CLASP2: variants seen among roughly 807,000 people sequenced by gnomAD.
CLASP2 encodes the protein CLIP-associating protein 2.
Under a neutral mutation model 194.4 loss-of-function variants are expected in CLASP2, and 47 were observed. The ratio of observed to expected loss-of-function variants is 0.24; its 90% CI spans 0.19 to 0.31. CLASP2 has a LOEUF of 0.31. Among genes scored for constraint, CLASP2 ranks in the 10% least tolerant of loss-of-function variants. The pLI is 1.00. For synonymous variants in CLASP2, 619 were observed against 633.5 expected (o/e 0.98, Z 0.34); for missense variants, 1,445 against 1,823.6 (o/e 0.79, Z 3.78).
intron 9 of CLASP2, among the ~76,000 whole-genome samples, chr3:33,629,868 T>G (rs1384214167): frequency 6.6e-6 from 1 of 150,816 alleles, no homozygotes; most frequent in Non-Finnish European, 1.5e-5. Flanking sequence ...ACCATGGTTA[T>G]CAAAGCTTAG....
chr3:33,539,161 C>T (rs960084752), intron 32 of CLASP2, among the ~76,000 whole-genome samples: 1 of 152,064 alleles, frequency 6.6e-6, no homozygotes, highest in Admixed American at 6.6e-5. Context: ...AATGCACAGA[C>T]CTTAATAACT....
chr3:33,581,028 A>G (rs1244018862), intron 23 of CLASP2, among the ~76,000 whole-genome samples: 1 of 150,168 alleles, frequency 6.7e-6, no homozygotes, highest in Non-Finnish European at 1.5e-5. Context: ...AAAAAAAAAA[A>G]AAAGAAAGAA....
At chr3:33,515,491 A>T (rs2051045689) in intron 36 of CLASP2, among the ~76,000 whole-genome samples, 1 of 152,184 alleles carries the variant, frequency 6.6e-6, no homozygotes, top group Non-Finnish European at 1.5e-5. Context: ...TCTACAAAAA[A>T]TACCAAAAAT....
At chr3:33,522,876 C>T (rs1487248950) in intron 34 of CLASP2, among the ~76,000 whole-genome samples, 1 of 152,176 alleles carries the variant, frequency 6.6e-6, no homozygotes, top group East Asian at 1.9e-4. Flanking sequence ...CGAGACCATC[C>T]TGGCTAACAC....
At chr3:33,660,054 T>C (rs923892852) in intron 7 of CLASP2, among the ~76,000 whole-genome samples, 3 of 152,244 alleles carry the variant, frequency 2.0e-5, no homozygotes, top group African/African-American at 4.8e-5. Context: ...AATGATTGCA[T>C]GGCCAAGACT....
At chr3:33,621,558 T>C (rs1037315251) in intron 11 of CLASP2, among the ~76,000 whole-genome samples, 12 of 152,208 alleles carry the variant, frequency 7.9e-5, no homozygotes, top group Non-Finnish European at 1.2e-4. Context: ...GCCTTTTTTT[T>C]CTTCGTTTCT....
chr3:33,534,064 G>A (rs752264008), intron 34 of CLASP2, among the ~76,000 whole-genome samples: 1 of 151,890 alleles, frequency 6.6e-6, no homozygotes, highest in African/African-American at 2.4e-5. Context: ...TTATTTATGG[G>A]CATAAAGGTT....
Position 33,592,509 on chromosome 3 carries a change from A to G in CLASP2, c.1967-13T>C. The G allele has an allele frequency of 6.3e-7, 1 of 1,581,220 alleles. No individual in the cohort carries two copies. The highest frequency in any genetic ancestry group is 1.1e-5 in the South Asian group (1 of 87,882). The stretch of plus-strand genomic sequence containing the variant: ...GCTCTCACCCGGCCTGAGAAATAAA[A>G]TATTTACATAATTAAAAACATTTTT... On this transcript the variant is annotated splice_polypyrimidine_tract_variant and intron_variant, in intron 20 of 38. Transcript: ENST00000682230.
At chr3:33,523,330 T>G (rs2053650752) in intron 34 of CLASP2, among the ~76,000 whole-genome samples, 1 of 152,098 alleles carries the variant, frequency 6.6e-6, no homozygotes, top group African/African-American at 2.4e-5. Flanking sequence ...ATGAATTCCA[T>G]GTAAAATGAA....
chr3:33,560,182 C>T (rs763341683), intron 28 of CLASP2, among the ~76,000 whole-genome samples: 2 of 151,694 alleles, frequency 1.3e-5, no homozygotes, highest in African/African-American at 4.8e-5. Context: ...ACAGAAAATA[C>T]TTTTTATAGT....
intron 36 of CLASP2, among the ~76,000 whole-genome samples, chr3:33,511,497 T>A (rs1315567255): frequency 6.6e-6 from 1 of 152,168 alleles, no homozygotes; most frequent in Non-Finnish European, 1.5e-5. Flanking sequence ...GAGCCCTCTG[T>A]ATCACATTAA....
intron 23 of CLASP2, among the ~76,000 whole-genome samples, chr3:33,578,766 T>A (rs556272145): frequency 2.0e-5 from 3 of 152,358 alleles, no homozygotes; most frequent in African/African-American, 7.2e-5. Context: ...AATCAATAGT[T>A]ATCTGTGACT....
At chr3:33,711,282 C>T in intron 1 of CLASP2, among the ~76,000 whole-genome samples, 1 of 146,710 alleles carries the variant, frequency 6.8e-6, no homozygotes, top group African/African-American at 2.5e-5. Flanking sequence ...ATCTCATTCT[C>T]TCACCCAGGC....
rs566401472 is a variant in CLASP2 at position 33,587,109 on chromosome 3, G to C, written c.2069-2189C>G. On this transcript the variant is annotated intron_variant, in intron 21 of 38. Coordinates refer to ENST00000682230, the MANE Select transcript of CLASP2 (RefSeq NM_001365631.1). ...GACTAGACATGGTCCATGGGCTGGC[G>C]ATCTGTGATTCTTTTTTTTCTTTCT... Among the ~76,000 whole-genome samples, 26 of 152,026 alleles carry C rather than the reference G, an allele frequency of 1.7e-4. No individual in the cohort carries two copies. The South Asian group carries it at 4.0e-3, about 23-fold the overall frequency.
At chr3:33,608,400 G>A (rs1378775595) in intron 14 of CLASP2, among the ~76,000 whole-genome samples, 167 bp downstream of exon 14, 8 of 152,108 alleles carry the variant, frequency 5.3e-5, no homozygotes, top group African/African-American at 1.9e-4. Flanking sequence ...TACTATTCAT[G>A]GTTGTAATGA....
intron 6 of CLASP2, among the ~76,000 whole-genome samples, chr3:33,665,344 T>C (rs957723759): frequency 9.9e-5 from 15 of 151,692 alleles, no homozygotes; most frequent in Non-Finnish European, 1.9e-4. Flanking sequence ...AATGAAATAG[T>C]AGGCAAATAT....
rs568615386 is a variant in CLASP2 at position 33,501,441 on chromosome 3, C to T, written c.4434+211G>A. On this transcript the variant is annotated intron_variant, in intron 38 of 38. Transcript: ENST00000682230. ...CTCTCACAGAAACCTACCCATCACCCCAACAAACTGCTGACTTCACCTGAG... is the reference window on the plus strand; with the variant it reads ...CTCTCACAGAAACCTACCCATCACCTCAACAAACTGCTGACTTCACCTGAG... Among the ~76,000 whole-genome samples, 2 of 152,192 alleles carry T rather than the reference C, an allele frequency of 1.3e-5. 1 individual carries two copies. Among genetic ancestry groups the T allele is most frequent in the South Asian group, 4.2e-4 (2 of 4,816 alleles).
At position 33,718,029 on chromosome 3, in the gene CLASP2, G is replaced by A. The variant is rs1041673913; in HGVS notation, c.-27C>T. 9 of 1,454,522 alleles carry A rather than the reference G, an allele frequency of 6.2e-6. No homozygotes were observed. The African/African-American group carries it at 7.3e-5, about 12-fold the overall frequency. The allele number at this position is 1,454,522 out of a possible 1,614,324, so 90.1% of individuals were successfully genotyped here. A position where few individuals can be genotyped will look rare whatever the true frequency, so the allele number is the denominator to read the frequency against. On this transcript the variant is annotated 5_prime_UTR_variant, in exon 1 of 39. Transcript: ENST00000682230. Reference sequence around the variant, plus strand: ...GCTGCGGCCGCCCGCCCGCCTGCCAGTCTGTGAGCGGCCAACTTTCGCCGA... The same window carrying A: ...GCTGCGGCCGCCCGCCCGCCTGCCAATCTGTGAGCGGCCAACTTTCGCCGA...
At chr3:33,663,293 ATCAGCAGGAT>A (rs2085603352) in intron 7 of CLASP2, among the ~76,000 whole-genome samples, 142 bp downstream of exon 7, 1 of 151,810 alleles carries the variant, frequency 6.6e-6, no homozygotes, top group Admixed American at 6.6e-5. Context: ...ATAGATAATT[ATCAGCAGGAT>A]GTAAATATTT....
Sources: gnomAD v4.1 joint callset for allele counts (sites outside exome capture counted in the v4.1 genomes callset) on GRCh38, gnomAD v4.1.1 for gene constraint, MANE v1.5 for transcripts, NCBI Gene and HGNC (gene_info 2026-07-23, HGNC 2026-07-21) for gene names.